The following OR52E6 variants were observed in gnomAD, a reference collection of about 807,000 sequenced individuals.
The protein encoded by OR52E6 is olfactory receptor family 52 subfamily E member 6.
For synonymous variants in OR52E6, 173 were observed against 137.3 expected, an observed-to-expected ratio of 1.26 and a Z score of -1.82; for missense variants, 419 against 381.5, an observed-to-expected ratio of 1.10 and a Z score of -0.82.
Position 5,841,648 on chromosome 11 carries a change from G to A in OR52E6, c.250C>T (p.Leu84=), listed in dbSNP as rs1308585441. 1.9e-6 allele frequency: 3 copies of A among 1,614,066 alleles called. No individual in the cohort carries two copies. The highest frequency in any genetic ancestry group is 2.2e-5 in the South Asian group (2 of 91,066). ...TTGATATTGAACCAGAAGATGCCCA[G>A]CATTTTGGGAATGGTGGCCGTAGAC... is the stretch of plus-strand genomic sequence containing the variant. ...SLSTATIPKM[L]GIFWFNIKEI... Residue 84 remains leucine, a synonymous_variant, in exon 1 of 1, where the codon CTG becomes TTG. Coordinates refer to ENST00000329322, the MANE Select transcript of OR52E6 (RefSeq NM_001005167.2).
rs1846611388 is a variant in OR52E6 at position 5,841,504 on chromosome 11, G to C, written c.394C>G (p.Leu132Val). Residue 132 changes from leucine to valine, a missense_variant, in exon 1 of 1, where the codon CTT becomes GTT. Coordinates refer to ENST00000329322, the MANE Select transcript of OR52E6 (RefSeq NM_001005167.2). ...CTGGTGAGGATCATGGTGTACCAAA[G>C]AGGTTTGCAAATGGCAATGTAGCGG... The part of the protein sequence containing the change: ...FDRYIAICKP[L>V]WYTMILTSKI... 1 of 1,614,006 alleles carries C rather than the reference G, an allele frequency of 6.2e-7. No homozygotes were observed. Among genetic ancestry groups the C allele is most frequent in the East Asian group, 2.2e-5 (1 of 44,888 alleles).
In OR52E6 at chr11:5,841,885, T is replaced by C. The variant is rs1215975676; in HGVS notation, c.13A>G (p.Asn5Asp). The stretch of plus-strand genomic sequence containing the variant: ...GAAGAAGTATGGAACTGGGTGTCGT[T>C]AGCTATAGGCATTCTTTCTGTCACA... MPIA[N>D]DTQFHTSSFL... The change falls in exon 1 of 1, where the codon AAC becomes GAC. Residue 5 changes from asparagine (N) to aspartate (D), a missense_variant. Asn to Asp is a conservative substitution (Grantham distance 23, BLOSUM62 1). Transcript: ENST00000329322. 3 of 1,611,570 alleles carry C rather than the reference T, an allele frequency of 1.9e-6. No homozygotes were observed. The highest frequency in any genetic ancestry group is 1.3e-5 in the African/African-American group (1 of 74,964).
rs200729945 is a variant in OR52E6 at position 5,841,567 on chromosome 11, C to T, written c.331G>A (p.Val111Ile). ...SQMFFIHFFTVMESIVLVAMA... is the reference protein window; with the variant it reads ...SQMFFIHFFTIMESIVLVAMA... Reference sequence around the variant, plus strand: ...GCCACCAATACGATGCTCTCCATGACAGTGAAGAAATGGATGAAGAACATC... The same window carrying T: ...GCCACCAATACGATGCTCTCCATGATAGTGAAGAAATGGATGAAGAACATC... Residue 111 changes from valine (V) to isoleucine (I), a missense_variant, in exon 1 of 1, where the codon GTC (valine) becomes ATC (isoleucine). Val to Ile is a conservative substitution (Grantham distance 29). Transcript: ENST00000329322. The T allele has an allele frequency of 3.0e-3, 4,857 of 1,614,114 alleles. 178 individuals are homozygous for T. The South Asian group carries it at 0.05, about 17-fold the overall frequency.
In OR52E6 at chr11:5,841,230, A is replaced by G; in HGVS notation, c.668T>C (p.Leu223Pro). 6.2e-7 allele frequency: 1 copy of G among 1,613,960 alleles called. No individual in the cohort carries two copies. The highest frequency in any genetic ancestry group is 8.5e-7 in the Non-Finnish European group (1 of 1,179,986). The change falls in exon 1 of 1, where the codon CTC (leucine) becomes CCC (proline). Residue 223 changes from leucine to proline, a missense_variant. Leu to Pro is a moderately conservative substitution (Grantham distance 98, BLOSUM62 -3). Transcript: ENST00000329322. Reference sequence around the variant, plus strand: ...GGAGGGCAGGCAGAAGACAGCATAGAGGATCCTGATATGGGAGAGAATAAT... The same window carrying G: ...GGAGGGCAGGCAGAAGACAGCATAGGGGATCCTGATATGGGAGAGAATAAT... ...LLIILSHIRILYAVFCLPSWE... is the reference protein window; with the variant it reads ...LLIILSHIRIPYAVFCLPSWE...
rs781548338 is a variant in OR52E6 at position 5,840,964 on chromosome 11, C to T, written c.934G>A (p.Asp312Asn). The T allele has an allele frequency of 6.5e-7, 1 of 1,547,780 alleles. No individual in the cohort carries two copies. The highest frequency in any genetic ancestry group is 2.0e-5 in the Admixed American group (1 of 50,302). The stretch of plus-strand genomic sequence containing the variant: ...CTCCAAACTCCAACTGGTTAGTGAT[C>T]TGTCTTGAAGAAAATCCTCAGCACT... ...ETVLRIFFKTDH is the reference protein window; with the variant it reads ...ETVLRIFFKTNH Residue 312 changes from aspartate (D) to asparagine (N), a missense_variant, in exon 1 of 1, where the codon GAT (aspartate) becomes AAT (asparagine). Coordinates refer to ENST00000329322, the MANE Select transcript of OR52E6 (RefSeq NM_001005167.2).
Position 5,841,869 on chromosome 11 carries a change from T to C in OR52E6, c.29A>G (p.His10Arg). The change falls in exon 1 of 1, where the codon CAT becomes CGT. Residue 10 changes from histidine (H) to arginine (R), a missense_variant. Transcript: ENST00000329322. ...ACCCAGCAGTAGGAATGAAGAAGTATGGAACTGGGTGTCGTTAGCTATAGG... is the reference window on the plus strand; with the variant it reads ...ACCCAGCAGTAGGAATGAAGAAGTACGGAACTGGGTGTCGTTAGCTATAGG... MPIANDTQF[H>R]TSSFLLLGIP... 10 of 1,613,662 alleles carry C rather than the reference T, an allele frequency of 6.2e-6. No homozygotes were observed. Among genetic ancestry groups the C allele is most frequent in the South Asian group, 1.1e-5 (1 of 91,038 alleles).
rs1247278031 is a variant in OR52E6 at position 5,841,426 on chromosome 11, C to T, written c.472G>A (p.Val158Ile). The T allele has an allele frequency of 1.2e-6, 2 of 1,614,020 alleles. No homozygotes were observed. Among genetic ancestry groups the T allele is most frequent in the African/African-American group, 2.7e-5 (2 of 74,926 alleles). Residue 158 changes from valine to isoleucine, a missense_variant, in exon 1 of 1, where the codon GTC (valine) becomes ATC (isoleucine). Physicochemically the swap from Val to Ile is conservative, Grantham distance 29 (BLOSUM62 3). Coordinates refer to ENST00000329322, the MANE Select transcript of OR52E6 (RefSeq NM_001005167.2). Reference protein sequence around the residue: ...GIAVLRSLYMVIPLVFLLLRL... With the variant: ...GIAVLRSLYMIIPLVFLLLRL... Reference sequence around the variant, plus strand: ...AAGAGGAGAAACACCAGTGGAATGACCATGTACAAGCTCCTCAGGACAGCA... The same window carrying T: ...AAGAGGAGAAACACCAGTGGAATGATCATGTACAAGCTCCTCAGGACAGCA...
rs762642788 is a variant in OR52E6, at chr11:5,841,098, T to C, written c.800A>G (p.His267Arg). 3.1e-6 allele frequency: 5 copies of C among 1,613,916 alleles called. No homozygotes were observed. Among genetic ancestry groups the C allele is most frequent in the South Asian group, 2.2e-5 (2 of 91,052 alleles). Residue 267 changes from histidine to arginine, a missense_variant, in exon 1 of 1, where the codon CAT (histidine) becomes CGT (arginine). His to Arg is a conservative substitution (Grantham distance 29). Coordinates refer to ENST00000329322, the MANE Select transcript of OR52E6 (RefSeq NM_001005167.2). ...FFSFFTHCFGHDIPQYIHIFL... is the reference protein window; with the variant it reads ...FFSFFTHCFGRDIPQYIHIFL... ...AATGTGGATATATTGGGGAATATCA[T>C]GGCCAAAGCAGTGTGTAAAGAAAGA...
rs775013450 is a variant in OR52E6, at chr11:5,841,681, G to C, written c.217C>G (p.Leu73Val). 1.2e-6 allele frequency: 2 copies of C among 1,613,862 alleles called. No homozygotes were observed. The highest frequency in any genetic ancestry group is 3.3e-5 in the Admixed American group (2 of 60,006). Reference protein sequence around the residue: ...YCLAMLDSIDLSLSTATIPKM... With the variant: ...YCLAMLDSIDVSLSTATIPKM... ...GGAATGGTGGCCGTAGACAAGCTCA[G>C]GTCAATGGAATCCAACATGGCCAGG... The change falls in exon 1 of 1, where the codon CTG (leucine) becomes GTG (valine). Residue 73 changes from leucine to valine, a missense_variant. Transcript: ENST00000329322.
At position 5,841,407 on chromosome 11, in the gene OR52E6, A is replaced by G. The variant is rs1206425876; in HGVS notation, c.491T>C (p.Leu164Pro). The change falls in exon 1 of 1, where the codon CTC (leucine) becomes CCC (proline). Residue 164 changes from leucine to proline, a missense_variant. Leu to Pro is a moderately conservative substitution (Grantham distance 98). Transcript: ENST00000329322. ...SLYMVIPLVF[L>P]LLRLPFCGHR... ...TCCACAGAAGGGCAACCTTAAGAGG[A>G]GAAACACCAGTGGAATGACCATGTA... is the stretch of plus-strand genomic sequence containing the variant. 1.2e-6 allele frequency: 2 copies of G among 1,614,098 alleles called. No individual in the cohort carries two copies. The highest frequency in any genetic ancestry group is 2.7e-5 in the African/African-American group (2 of 74,946).
Position 5,841,761 on chromosome 11 carries a change from G to C in OR52E6, c.137C>G (p.Ala46Gly), listed in dbSNP as rs1268159449. The C allele has an allele frequency of 6.2e-7, 1 of 1,613,740 alleles. No individual in the cohort carries two copies. The highest frequency in any genetic ancestry group is 8.5e-7 in the Non-Finnish European group (1 of 1,179,840). ...VYLIALLGNA[A>G]IFFVIQTEQS... The stretch of plus-strand genomic sequence containing the variant: ...CTCAGTTTGGATCACAAAGAAGATA[G>C]CAGCATTTCCCAGGAGTGCAATAAG... Residue 46 changes from alanine (A) to glycine (G), a missense_variant, in exon 1 of 1, where the codon GCT becomes GGT. Transcript: ENST00000329322.
chr11:5,841,161 A>C lies in OR52E6; in HGVS notation c.737T>G (p.Ile246Ser), dbSNP rs750810863. The C allele has an allele frequency of 2.5e-6, 4 of 1,613,724 alleles. No individual in the cohort carries two copies. In the African/African-American group the frequency reaches 5.3e-5, roughly 22 times the overall value. ...TGTAGAAAAGGCTAAGATAACACCAATGTGAGAGCCACAGGTGTTGAGAGC... is the reference window on the plus strand; with the variant it reads ...TGTAGAAAAGGCTAAGATAACACCACTGTGAGAGCCACAGGTGTTGAGAGC... ...LKALNTCGSH[I>S]GVILAFSTPA... The change falls in exon 1 of 1, where the codon ATT becomes AGT. Residue 246 changes from isoleucine (I) to serine (S), a missense_variant. By Grantham distance (142) the Ile-to-Ser change is moderately radical. Transcript: ENST00000329322.
At position 5,841,149 on chromosome 11, in the gene OR52E6, A is replaced by G; in HGVS notation, c.749T>C (p.Leu250Ser). 1.2e-6 allele frequency: 2 copies of G among 1,613,748 alleles called. No homozygotes were observed. The highest frequency in any genetic ancestry group is 1.7e-5 in the Admixed American group (1 of 59,962). Residue 250 changes from leucine (L) to serine (S), a missense_variant, in exon 1 of 1, where the codon TTA (leucine) becomes TCA (serine). Coordinates refer to ENST00000329322, the MANE Select transcript of OR52E6 (RefSeq NM_001005167.2). ...NTCGSHIGVI[L>S]AFSTPAFFSF... is the part of the protein sequence containing the mutation. The stretch of plus-strand genomic sequence containing the variant: ...GAAAAATGCTGGTGTAGAAAAGGCT[A>G]AGATAACACCAATGTGAGAGCCACA...
In OR52E6 at chr11:5,841,414, C is replaced by T. The variant is rs1173484464; in HGVS notation, c.484G>A (p.Val162Met). 2 of 1,614,154 alleles carry T rather than the reference C, an allele frequency of 1.2e-6. No homozygotes were observed. Among genetic ancestry groups the T allele is most frequent in the South Asian group, 1.1e-5 (1 of 91,088 alleles). Residue 162 changes from valine to methionine, a missense_variant, in exon 1 of 1, where the codon GTG (valine) becomes ATG (methionine). By Grantham distance (21) the Val-to-Met change is conservative (BLOSUM62 1). Coordinates refer to ENST00000329322, the MANE Select transcript of OR52E6 (RefSeq NM_001005167.2). ...AAGGGCAACCTTAAGAGGAGAAACA[C>T]CAGTGGAATGACCATGTACAAGCTC... ...LRSLYMVIPL[V>M]FLLLRLPFCG...
Position 5,841,140 on chromosome 11 carries a change from G to GA in OR52E6, c.757dup (p.Ser253PhefsTer16). ...AAAGAAAGAGAAAAATGCTGGTGTA[G>GA]AAAAGGCTAAGATAACACCAATGTG... On this transcript the variant is annotated frameshift_variant, in exon 1 of 1. Transcript: ENST00000329322. LOFTEE classifies it low-confidence loss of function (END_TRUNC). The GA allele has an allele frequency of 6.2e-7, 1 of 1,613,694 alleles. No individual in the cohort carries two copies. Among genetic ancestry groups the GA allele is most frequent in the Non-Finnish European group, 8.5e-7 (1 of 1,179,852 alleles).
In OR52E6 at chr11:5,841,405, G is replaced by A. The variant is rs1428334209; in HGVS notation, c.493C>T (p.Leu165Phe). 3.7e-6 allele frequency: 6 copies of A among 1,614,206 alleles called. No homozygotes were observed. Among genetic ancestry groups the A allele is most frequent in the Admixed American group, 1.7e-5 (1 of 60,020 alleles). ...TGTCCACAGAAGGGCAACCTTAAGA[G>A]GAGAAACACCAGTGGAATGACCATG... Reference protein sequence around the residue: ...LYMVIPLVFLLLRLPFCGHRI... With the variant: ...LYMVIPLVFLFLRLPFCGHRI... The change falls in exon 1 of 1, where the codon CTC becomes TTC. Residue 165 changes from leucine (L) to phenylalanine (F), a missense_variant. By Grantham distance (22) the Leu-to-Phe change is conservative. Coordinates refer to ENST00000329322, the MANE Select transcript of OR52E6 (RefSeq NM_001005167.2).
chr11:5,841,119 A>C lies in OR52E6; in HGVS notation c.779T>G (p.Phe260Cys). The C allele has an allele frequency of 6.2e-7, 1 of 1,613,796 alleles. No homozygotes were observed. Among genetic ancestry groups the C allele is most frequent in the Admixed American group, 1.7e-5 (1 of 59,940 alleles). ...ATCATGGCCAAAGCAGTGTGTAAAG[A>C]AAGAGAAAAATGCTGGTGTAGAAAA... is the stretch of plus-strand genomic sequence containing the variant. ...LAFSTPAFFS[F>C]FTHCFGHDIP... Residue 260 changes from phenylalanine to cysteine, a missense_variant, in exon 1 of 1, where the codon TTC becomes TGC. Coordinates refer to ENST00000329322, the MANE Select transcript of OR52E6 (RefSeq NM_001005167.2).
rs765493823 is a variant in OR52E6, at chr11:5,841,187, T to G, written c.711A>C (p.Lys237Asn). The change falls in exon 1 of 1, where the codon AAA (lysine) becomes AAC (asparagine). Residue 237 changes from lysine to asparagine, a missense_variant. Physicochemically the swap from Lys to Asn is moderately conservative, Grantham distance 94. Coordinates refer to ENST00000329322, the MANE Select transcript of OR52E6 (RefSeq NM_001005167.2). ...TGTGAGAGCCACAGGTGTTGAGAGC[T>G]TTGAGTCGAGCTTCCCAGGAGGGCA... is the stretch of plus-strand genomic sequence containing the variant. The part of the protein sequence containing the change: ...FCLPSWEARL[K>N]ALNTCGSHIG... 1.2e-6 allele frequency: 2 copies of G among 1,613,806 alleles called. No homozygotes were observed. The highest frequency in any genetic ancestry group is 2.2e-5 in the South Asian group (2 of 91,060).
chr11:5,841,011 C>T lies in OR52E6; in HGVS notation c.887G>A (p.Arg296Lys). ...CACTGTCTCCCTAATATGTTTGGTT[C>T]TGACCCCATAGATTACAGGATTGAG... ...PTLNPVIYGVRTKHIRETVLR... is the reference protein window; with the variant it reads ...PTLNPVIYGVKTKHIRETVLR... Residue 296 changes from arginine (R) to lysine (K), a missense_variant, in exon 1 of 1, where the codon AGA becomes AAA. By Grantham distance (26) the Arg-to-Lys change is conservative. Coordinates refer to ENST00000329322, the MANE Select transcript of OR52E6 (RefSeq NM_001005167.2). 1 of 1,608,020 alleles carries T rather than the reference C, an allele frequency of 6.2e-7. No individual in the cohort carries two copies. The highest frequency in any genetic ancestry group is 8.5e-7 in the Non-Finnish European group (1 of 1,177,388).
Sources: allele counts gnomAD v4.1 joint callset, GRCh38; gene constraint gnomAD v4.1.1; transcripts MANE v1.5; gene names NCBI Gene and HGNC (gene_info 2026-07-23, HGNC 2026-07-21).